The following CCSER1 variants were observed in gnomAD, a reference collection of about 807,000 sequenced individuals.
CCSER1 encodes serine-rich coiled-coil domain-containing protein 1.
In CCSER1, 41 loss-of-function variants were observed where a neutral mutation model predicts 82.0. The ratio of observed to expected loss-of-function variants is 0.50; its 90% CI spans 0.39 to 0.65. The LOEUF (loss-of-function observed/expected upper bound fraction) is 0.65. Among genes scored for constraint, CCSER1 ranks in the 30% least tolerant of loss-of-function variants. The pLI is 0.00. For missense variants in CCSER1, 1,119 were observed against 1,064.2 expected, an observed-to-expected ratio of 1.05 and a Z score of -0.72; for synonymous variants, 414 against 383.9, an observed-to-expected ratio of 1.08 and a Z score of -0.92.
rs139624055 is a variant in CCSER1, at chr4:90,577,883, C to A, written c.1725-50142C>A. ...ATGTTTATGGCATATAATGATCTAC[C>A]AGTTGCTCTATTTAATGTTATTACT... On this transcript the variant is annotated intron_variant, in intron 5 of 10. Transcript: ENST00000509176. 3.9e-5 allele frequency among the ~76,000 whole-genome samples: 6 copies of A among 152,020 alleles called. No homozygotes were observed. In the East Asian group the frequency reaches 1.2e-3, roughly 29 times the overall value.
intron 10 of CCSER1, among the ~76,000 whole-genome samples, chr4:91,264,390 G>A (rs1015931152): frequency 6.6e-6 from 1 of 151,756 alleles, no homozygotes; most frequent in African/African-American, 2.4e-5. Context: ...TTTAGATATA[G>A]GGCATTTTCT....
At chr4:90,384,086 G>GT (rs962787655) in intron 3 of CCSER1, among the ~76,000 whole-genome samples, 13 of 150,328 alleles carry the variant, frequency 8.6e-5, no homozygotes, top group South Asian at 2.1e-4. Context: ...TCGAACCCTC[G>GT]TTTTTTTTGT....
intron 5 of CCSER1, among the ~76,000 whole-genome samples, chr4:90,593,276 C>CA (rs1438647982): frequency 1.3e-5 from 2 of 151,970 alleles, no homozygotes; most frequent in African/African-American, 4.8e-5. Flanking sequence ...CTAATGCCAC[C>CA]AGTTAAATCA....
intron 10 of CCSER1, among the ~76,000 whole-genome samples, chr4:91,157,351 A>G (rs1014966760): frequency 2.0e-5 from 3 of 152,058 alleles, no homozygotes; most frequent in Non-Finnish European, 2.9e-5. Flanking sequence ...AGTAACAAGA[A>G]GAGGAAAATG....
intron 3 of CCSER1, among the ~76,000 whole-genome samples, chr4:90,379,446 G>T (rs761550979): frequency 6.6e-6 from 1 of 152,116 alleles, no homozygotes; most frequent in African/African-American, 2.4e-5. Context: ...TTTCCCTCGC[G>T]TCAGATAACA....
rs1579906124 is a variant in CCSER1, at chr4:90,683,910, T to A, written c.1933-40004T>A. ...AAAGAGGAATGGAACAAAATAATTATCTTTTTTTTCAATCTTCTCCTCTAA... is the reference window on the plus strand; with the variant it reads ...AAAGAGGAATGGAACAAAATAATTAACTTTTTTTTCAATCTTCTCCTCTAA... On this transcript the variant is annotated intron_variant, in intron 6 of 10. Coordinates refer to ENST00000509176, the MANE Select transcript of CCSER1 (RefSeq NM_001145065.2). Among the ~76,000 whole-genome samples the A allele has an allele frequency of 3.3e-5, 5 of 152,114 alleles. No homozygotes were observed. In the South Asian group the frequency reaches 1.0e-3, roughly 31 times the overall value.
chr4:91,244,415 G>C (rs1252926431), intron 10 of CCSER1, among the ~76,000 whole-genome samples: 1 of 152,232 alleles, frequency 6.6e-6, no homozygotes, highest in Non-Finnish European at 1.5e-5. Context: ...CACAGTCCCA[G>C]TAGTGGTGGT....
chr4:90,721,507 C>G (rs891217444), intron 6 of CCSER1, among the ~76,000 whole-genome samples: 1 of 151,756 alleles, frequency 6.6e-6, no homozygotes, highest in East Asian at 1.9e-4. Context: ...TGAAATATAT[C>G]AAAAGCAGAT....
Position 91,161,500 on chromosome 4 carries a change from G to A in CCSER1, c.2217+75506G>A, listed in dbSNP as rs868582941. 1.1e-4 allele frequency among the ~76,000 whole-genome samples: 16 copies of A among 152,222 alleles called. No homozygotes were observed. In the Middle Eastern group the frequency reaches 0.014, roughly 129 times the overall value. On this transcript the variant is annotated intron_variant, in intron 10 of 10. Coordinates refer to ENST00000509176, the MANE Select transcript of CCSER1 (RefSeq NM_001145065.2). The stretch of plus-strand genomic sequence containing the variant: ...TCTATAAATTACCTTGGGCAGTATG[G>A]CCATTTTCATGATATTGATTCTTGC...
chr4:90,935,372 G>A (rs758170161), intron 9 of CCSER1, among the ~76,000 whole-genome samples: 1 of 152,076 alleles, frequency 6.6e-6, no homozygotes, highest in Non-Finnish European at 1.5e-5. Context: ...CTGTCTGCAC[G>A]TACCGGCTCC....
In CCSER1 at chr4:91,542,266, C is replaced by T. The variant is rs190826989; in HGVS notation, c.2218-56306C>T. Among the ~76,000 whole-genome samples, 406 of 152,246 alleles carry T rather than the reference C, an allele frequency of 2.7e-3. 1 individual carries two copies. The highest frequency in any genetic ancestry group is 9.3e-3 in the African/African-American group (387 of 41,548). On this transcript the variant is annotated intron_variant, in intron 10 of 10. Coordinates refer to ENST00000509176, the MANE Select transcript of CCSER1 (RefSeq NM_001145065.2). Reference sequence around the variant, plus strand: ...CATTTGTTAATTTTGGCTTTTGTTACCATTGCTTTTGGTGTTTTAGTCATG... The same window carrying T: ...CATTTGTTAATTTTGGCTTTTGTTATCATTGCTTTTGGTGTTTTAGTCATG...
intron 10 of CCSER1, among the ~76,000 whole-genome samples, chr4:91,545,204 C>T (rs867261049): frequency 1.3e-5 from 2 of 152,038 alleles, no homozygotes; most frequent in Admixed American, 6.6e-5. Flanking sequence ...GGGAGTGTCC[C>T]GATTTTCCAG....
chr4:90,433,962 T>G (rs1182920149), intron 4 of CCSER1, among the ~76,000 whole-genome samples: 1 of 151,908 alleles, frequency 6.6e-6, no homozygotes, highest in Non-Finnish European at 1.5e-5. Flanking sequence ...TTTTACCATA[T>G]TCTCTTTAGG....
At chr4:91,236,414 T>G (rs2089175555) in intron 10 of CCSER1, among the ~76,000 whole-genome samples, 2 of 149,058 alleles carry the variant, frequency 1.3e-5, no homozygotes, top group Non-Finnish European at 3.0e-5. Flanking sequence ...ACCCGGGAGG[T>G]GGAGGTTGCA....
intron 1 of CCSER1, among the ~76,000 whole-genome samples, chr4:90,297,573 G>T (rs1321789016): frequency 6.8e-6 from 1 of 147,196 alleles, no homozygotes; most frequent in Non-Finnish European, 1.5e-5. Context: ...TCTTGTGCCA[G>T]TTTTCAAAGG....
chr4:91,411,730 A>T, intron 10 of CCSER1, among the ~76,000 whole-genome samples: 1 of 103,150 alleles, frequency 9.7e-6, no homozygotes, highest in Non-Finnish European at 1.9e-5. Flanking sequence ...CCCACTACTG[A>T]TATTGGAGCT....
intron 8 of CCSER1, among the ~76,000 whole-genome samples, chr4:90,856,028 T>G (rs911743633): frequency 6.6e-6 from 1 of 152,152 alleles, no homozygotes; most frequent in Non-Finnish European, 1.5e-5. Flanking sequence ...TGTCAATATA[T>G]TTATAGCACT....
intron 5 of CCSER1, among the ~76,000 whole-genome samples, chr4:90,568,956 C>A (rs1026494751): frequency 2.0e-5 from 3 of 151,784 alleles, no homozygotes; most frequent in African/African-American, 2.4e-5. Flanking sequence ...GTAGTAGAGA[C>A]AGGATTTCAC....
chr4:91,587,557 A>T lies in CCSER1; in HGVS notation c.2218-11015A>T, dbSNP rs181789071. On this transcript the variant is annotated intron_variant, in intron 10 of 10. Coordinates refer to ENST00000509176, the MANE Select transcript of CCSER1 (RefSeq NM_001145065.2). ...ATATCTTCCACATTCTACTCTAAGA[A>T]TTTTTCTATTTATCCATCCTTTTTA... Among the ~76,000 whole-genome samples, 61 of 151,854 alleles carry T rather than the reference A, an allele frequency of 4.0e-4. 1 individual carries two copies. In the East Asian group the frequency reaches 8.3e-3, roughly 21 times the overall value.
Sources: gnomAD v4.1 joint callset for allele counts (sites outside exome capture counted in the v4.1 genomes callset) on GRCh38, gnomAD v4.1.1 for gene constraint, MANE v1.5 for transcripts, NCBI Gene and HGNC (gene_info 2026-07-23, HGNC 2026-07-21) for gene names.